The following PPP1R13B variants were observed in gnomAD, a reference collection of about 807,000 sequenced individuals.
The protein encoded by PPP1R13B is protein phosphatase 1 regulatory subunit 13B.
In PPP1R13B, 44 loss-of-function variants were observed where a neutral mutation model predicts 119.8. The observed-to-expected ratio is 0.37, with a 90% CI of 0.29 to 0.47. The LOEUF (loss-of-function observed/expected upper bound fraction) is 0.47. Among genes scored for constraint, PPP1R13B ranks in the 20% least tolerant of loss-of-function variants. The pLI is 0.99. For synonymous variants in PPP1R13B, 542 were observed against 561.5 expected (o/e 0.97, Z 0.49); for missense variants, 1,227 against 1,413.5 (o/e 0.87, Z 2.12).
upstream of PPP1R13B, chr14:103,847,593 C>T: frequency 1.0e-6 from 1 of 986,602 alleles, no homozygotes; most frequent in Non-Finnish European, 1.2e-6. Flanking sequence ...GCCCGCCCGG[C>T]TCGCTCTTCA....
chr14:103,776,737 C>T (rs1331786270), intron 4 of PPP1R13B, among the ~76,000 whole-genome samples: 3 of 151,602 alleles, frequency 2.0e-5, no homozygotes, highest in East Asian at 2.0e-4. Flanking sequence ...CCGGGCGTGG[C>T]GGTGTGCGCC....
At chr14:103,752,930 C>T (rs1038658009) in intron 7 of PPP1R13B, 70 bp downstream of exon 7, 3 of 1,520,748 alleles carry the variant, frequency 2.0e-6, no homozygotes, top group Non-Finnish European at 1.8e-6. Context: ...CTAAGGTTTC[C>T]AACCCATGCT....
intron 8 of PPP1R13B, among the ~76,000 whole-genome samples, chr14:103,747,976 T>C (rs1567091057): frequency 6.6e-6 from 1 of 151,356 alleles, no homozygotes; most frequent in Non-Finnish European, 1.5e-5. Flanking sequence ...AGCTGCAACA[T>C]CCTCCCTGGG....
upstream of PPP1R13B, among the ~76,000 whole-genome samples, chr14:103,847,983 G>A (rs1473721837): frequency 6.6e-6 from 1 of 151,614 alleles, no homozygotes; most frequent in African/African-American, 2.4e-5. Flanking sequence ...GACGGCGCGC[G>A]CCCGCACTCT....
rs556618824 is a variant in PPP1R13B, at chr14:103,763,066, G to A, written c.355-5315C>T. On this transcript the variant is annotated intron_variant, in intron 4 of 16. Coordinates refer to ENST00000202556, the MANE Select transcript of PPP1R13B (RefSeq NM_015316.3). ...AAAAACTACCATCCTTAAAAGATTC[G>A]TTGTCACCAGCACTTTGTGAAGGTT... is the stretch of plus-strand genomic sequence containing the variant. 6.3e-5 allele frequency: 79 copies of A among 1,250,338 alleles called. 2 individuals carry two copies. The highest frequency in any genetic ancestry group is 6.2e-4 in the South Asian group (48 of 77,522). 77.5% of individuals were successfully genotyped at this position (1,250,338 alleles called of 1,614,324 possible). A position where few individuals can be genotyped will look rare whatever the true frequency, so the allele number is the denominator to read the frequency against.
At chr14:103,826,906 G>A in intron 1 of PPP1R13B, among the ~76,000 whole-genome samples, 1 of 152,004 alleles carries the variant, frequency 6.6e-6, no homozygotes, top group Non-Finnish European at 1.5e-5. Flanking sequence ...CAGCTACTGG[G>A]GAGGCTGAGG....
In PPP1R13B at chr14:103,742,532, G is replaced by A. The variant is rs527255985; in HGVS notation, c.1320+122C>T. 4.0e-5 allele frequency: 56 copies of A among 1,391,442 alleles called. No individual in the cohort carries two copies. In the African/African-American group the frequency reaches 5.0e-4, roughly 13 times the overall value. 86.2% of individuals were successfully genotyped at this position (1,391,442 alleles called of 1,614,324 possible). A position where few individuals can be genotyped will look rare whatever the true frequency, so the allele number is the denominator to read the frequency against. ...GTAACCCTCTAGGACTTTGGGTGTTGTCTGGACAATAACAGGATTAACTTG... is the reference window on the plus strand; with the variant it reads ...GTAACCCTCTAGGACTTTGGGTGTTATCTGGACAATAACAGGATTAACTTG... On this transcript the variant is annotated intron_variant, in intron 10 of 16. Coordinates refer to ENST00000202556, the MANE Select transcript of PPP1R13B (RefSeq NM_015316.3). The surrounding 1 kb of genome is among the most constrained non-coding windows in gnomAD (Gnocchi z 4.9).
intron 1 of PPP1R13B, 148 bp downstream of exon 1, chr14:103,847,151 C>T: frequency 1.0e-6 from 1 of 982,436 alleles, no homozygotes; most frequent in Non-Finnish European, 1.2e-6. Flanking sequence ...TGGGGGGCGC[C>T]GCGGCCGGGC....
chr14:103,846,337 C>T (rs1472920549), intron 1 of PPP1R13B, among the ~76,000 whole-genome samples: 1 of 152,124 alleles, frequency 6.6e-6, no homozygotes, highest in Admixed American at 6.5e-5. Flanking sequence ...TCCTTGGGTG[C>T]AGCATAGCAG....
Position 103,778,838 on chromosome 14 carries a change from A to G in PPP1R13B, c.278-17T>C, listed in dbSNP as rs755707987. 1 of 1,591,932 alleles carries G rather than the reference A, an allele frequency of 6.3e-7. No individual in the cohort carries two copies. Among genetic ancestry groups the G allele is most frequent in the Non-Finnish European group, 8.6e-7 (1 of 1,160,664 alleles). On this transcript the variant is annotated splice_polypyrimidine_tract_variant and intron_variant, in intron 3 of 16. Transcript: ENST00000202556. ...GACGGCCACCTAAAGAAATAAAAGAACCAAACTCACCAAAAGGCGTATTAG... is the reference window on the plus strand; with the variant it reads ...GACGGCCACCTAAAGAAATAAAAGAGCCAAACTCACCAAAAGGCGTATTAG...
At chr14:103,785,041 T>C (rs1401199682) in intron 2 of PPP1R13B, 127 bp from the exon 3 acceptor site, 9 of 780,878 alleles carry the variant, frequency 1.2e-5, no homozygotes, top group African/African-American at 1.8e-5. Flanking sequence ...AATTCAAAGA[T>C]ATTACAAGCA....
intron 4 of PPP1R13B, among the ~76,000 whole-genome samples, chr14:103,762,523 C>T (rs1224165768): frequency 6.6e-6 from 1 of 150,386 alleles, no homozygotes; most frequent in Non-Finnish European, 1.5e-5. Context: ...GGGTGCAGCA[C>T]ACCAACATGG....
intron 7 of PPP1R13B, 28 bp from the exon 8 acceptor site, chr14:103,749,962 G>A: frequency 6.3e-7 from 1 of 1,599,786 alleles, no homozygotes; most frequent in Non-Finnish European, 8.5e-7. Context: ...CAACCTTTAT[G>A]ATTTGTGTTA....
At chr14:103,792,854 A>G (rs2085656817) in intron 2 of PPP1R13B, among the ~76,000 whole-genome samples, 1 of 151,962 alleles carries the variant, frequency 6.6e-6, no homozygotes, top group African/African-American at 2.4e-5. Flanking sequence ...GTGGATCACG[A>G]GGTCAGGAGT....
chr14:103,782,777 T>C lies in PPP1R13B; in HGVS notation c.277+2018A>G, dbSNP rs553169104. On this transcript the variant is annotated intron_variant, in intron 3 of 16. Transcript: ENST00000202556. The stretch of plus-strand genomic sequence containing the variant: ...GTATATTCCTTTTCTGTGAACTGTG[T>C]GTGTATATATTTTTTCTATTATTCT... 4.6e-5 allele frequency among the ~76,000 whole-genome samples: 7 copies of C among 152,184 alleles called. No individual in the cohort carries two copies. The South Asian group carries it at 1.5e-3, about 32-fold the overall frequency.
In PPP1R13B at chr14:103,734,343, C is replaced by T; in HGVS notation, c.*811G>A. Reference sequence around the variant, plus strand: ...ACCCCCAGCCCCAACCCCAACCACCCTCCGCTGCCACGGCCTCCAGCACCT... The same window carrying T: ...ACCCCCAGCCCCAACCCCAACCACCTTCCGCTGCCACGGCCTCCAGCACCT... On this transcript the variant is annotated 3_prime_UTR_variant, in exon 17 of 17. Transcript: ENST00000202556. The T allele has an allele frequency of 2.7e-6, 1 of 373,502 alleles. No individual in the cohort carries two copies. Among genetic ancestry groups the T allele is most frequent in the Non-Finnish European group, 5.4e-6 (1 of 185,580 alleles). The allele number at this position is 373,502 out of a possible 1,614,324, so 23.1% of individuals were successfully genotyped here.
intron 1 of PPP1R13B, among the ~76,000 whole-genome samples, chr14:103,832,229 TTAAC>T (rs781407138): frequency 3.3e-5 from 5 of 152,200 alleles, no homozygotes; most frequent in Non-Finnish European, 5.9e-5. Flanking sequence ...ATGAGGAACT[TTAAC>T]TACTACCCTA....
At chr14:103,840,975 T>C (rs1237685244) in intron 1 of PPP1R13B, among the ~76,000 whole-genome samples, 1 of 151,756 alleles carries the variant, frequency 6.6e-6, no homozygotes, top group South Asian at 2.1e-4. Context: ...CTCAGAAACA[T>C]ATATAAACAT....
In PPP1R13B at chr14:103,734,629, G is replaced by T. The variant is rs1200921439; in HGVS notation, c.*525C>A. 2.2e-6 allele frequency: 1 copy of T among 456,586 alleles called. No homozygotes were observed. The highest frequency in any genetic ancestry group is 6.9e-5 in the East Asian group (1 of 14,392). The allele number at this position is 456,586 out of a possible 1,614,324, so 28.3% of individuals were successfully genotyped here. A position where few individuals can be genotyped will look rare whatever the true frequency, so the allele number is the denominator to read the frequency against. On this transcript the variant is annotated 3_prime_UTR_variant, in exon 17 of 17. Transcript: ENST00000202556. Reference sequence around the variant, plus strand: ...GGGTACTGGGAGGCATACACACTGGGCAGCAACACTGGACATGTTTCCATA... The same window carrying T: ...GGGTACTGGGAGGCATACACACTGGTCAGCAACACTGGACATGTTTCCATA...
Sources: allele counts gnomAD v4.1 joint callset (sites outside exome capture counted in the v4.1 genomes callset), GRCh38; gene constraint gnomAD v4.1.1; non-coding constraint Gnocchi (gnomAD v3.1); transcripts MANE v1.5; gene names NCBI Gene and HGNC (gene_info 2026-07-23, HGNC 2026-07-21).